CSNK1G3: variants seen among roughly 807,000 people sequenced by gnomAD.
CSNK1G3 encodes the protein casein kinase I isoform gamma-3.
In CSNK1G3, 23 loss-of-function variants were observed where a neutral mutation model predicts 64.3. The observed-to-expected ratio is 0.36, with a 90% CI of 0.26 to 0.51. The LOEUF (loss-of-function observed/expected upper bound fraction) is 0.51, where lower values mean the gene tolerates loss of function less well. Among genes scored for constraint, CSNK1G3 ranks in the 20% least tolerant of loss-of-function variants. The pLI, the probability that CSNK1G3 is intolerant of heterozygous loss-of-function variation, is 0.96. For missense variants in CSNK1G3, 357 were observed against 510.5 expected, an observed-to-expected ratio of 0.70 and a Z score of 2.90; for synonymous variants, 158 against 162.2, an observed-to-expected ratio of 0.97 and a Z score of 0.20.
intron 1 of CSNK1G3, among the ~76,000 whole-genome samples, chr5:123,531,325 A>G (rs1340948831): frequency 1.3e-5 from 2 of 152,080 alleles, no homozygotes; most frequent in Non-Finnish European, 2.9e-5. Context: ...ACTTAAGACT[A>G]AGACTTAAGA....
intron 12 of CSNK1G3, among the ~76,000 whole-genome samples, chr5:123,606,049 A>G (rs574575733): frequency 7.2e-5 from 11 of 152,192 alleles, no homozygotes; most frequent in Non-Finnish European, 1.5e-4. Context: ...GAAGTTGCTT[A>G]GTTTAGTAAA....
chr5:123,560,276 A>C (rs1205671306), intron 4 of CSNK1G3, among the ~76,000 whole-genome samples: 1 of 152,176 alleles, frequency 6.6e-6, no homozygotes, highest in African/African-American at 2.4e-5. Context: ...ATTGGTGTAA[A>C]AATTTAAAAA....
At chr5:123,558,922 G>A (rs930811720) in intron 4 of CSNK1G3, among the ~76,000 whole-genome samples, 14 of 152,150 alleles carry the variant, frequency 9.2e-5, no homozygotes, top group African/African-American at 3.1e-4. Flanking sequence ...TTCAAATACT[G>A]TCATCAACAT....
chr5:123,549,413 A>G (rs1324570058), intron 2 of CSNK1G3, among the ~76,000 whole-genome samples: 1 of 152,168 alleles, frequency 6.6e-6, no homozygotes, highest in African/African-American at 2.4e-5. Context: ...CTCAGCTGGG[A>G]GCATGCCTAT....
intron 1 of CSNK1G3, among the ~76,000 whole-genome samples, chr5:123,515,705 GT>G (rs966781315): frequency 4.7e-4 from 71 of 151,540 alleles, no homozygotes; most frequent in African/African-American, 1.7e-3. Context: ...ATTGTTTGAA[GT>G]TTTTTTTTCT....
At chr5:123,606,435 A>G (rs962287305) in intron 12 of CSNK1G3, among the ~76,000 whole-genome samples, 4 of 152,144 alleles carry the variant, frequency 2.6e-5, no homozygotes, top group Admixed American at 2.0e-4. Flanking sequence ...TGTCCTTTGC[A>G]GTTAGACATA....
chr5:123,546,572 A>G (rs936020315), intron 2 of CSNK1G3, among the ~76,000 whole-genome samples: 1 of 152,078 alleles, frequency 6.6e-6, no homozygotes, highest in African/African-American at 2.4e-5. Context: ...ATTGCAAAAA[A>G]CTAAGAAGGA....
intron 2 of CSNK1G3, among the ~76,000 whole-genome samples, chr5:123,550,122 A>T (rs1226863879): frequency 6.6e-6 from 1 of 152,206 alleles, no homozygotes; most frequent in Non-Finnish European, 1.5e-5. Context: ...TATAAAACTT[A>T]CCTGAAAAAT....
At chr5:123,607,790 C>T (rs1206037744) in intron 12 of CSNK1G3, among the ~76,000 whole-genome samples, 1 of 152,150 alleles carries the variant, frequency 6.6e-6, no homozygotes. Flanking sequence ...TGAAGCCTTA[C>T]TTCAGGTGGG....
At chr5:123,614,544 G>T in exon 13 of CSNK1G3, 27 of 555,932 alleles carry the variant, frequency 4.9e-5, no homozygotes, top group South Asian at 3.1e-4. Context: ...TTTTGTGGTT[G>T]TCTTACATTC....
intron 4 of CSNK1G3, among the ~76,000 whole-genome samples, chr5:123,565,898 A>T (rs1302439623): frequency 6.6e-6 from 1 of 152,202 alleles, no homozygotes; most frequent in Non-Finnish European, 1.5e-5. Context: ...CCATTGACCC[A>T]GTTAACTCCC....
At chr5:123,544,215 C>T (rs373822223) in intron 1 of CSNK1G3, among the ~76,000 whole-genome samples, 26 of 152,290 alleles carry the variant, frequency 1.7e-4, no homozygotes, top group South Asian at 1.2e-3. Context: ...CCCACCAAGC[C>T]TTAGTCTCTT....
intron 4 of CSNK1G3, among the ~76,000 whole-genome samples, chr5:123,563,087 C>T (rs1581146203): frequency 6.6e-6 from 1 of 151,962 alleles, no homozygotes; most frequent in African/African-American, 2.4e-5. Context: ...TTCCTTGGAA[C>T]ATCTTAATTA....
chr5:123,573,243 G>C (rs1788473589), intron 4 of CSNK1G3, 150 bp from the exon 5 acceptor site: 1 of 727,748 alleles, frequency 1.4e-6, no homozygotes, highest in Non-Finnish European at 2.3e-6. Context: ...GGGAGGTTGG[G>C]AGGTTTGGTC....
chr5:123,602,167 C>T (rs1426556171), intron 10 of CSNK1G3, among the ~76,000 whole-genome samples: 1 of 152,058 alleles, frequency 6.6e-6, no homozygotes, highest in Non-Finnish European at 1.5e-5. Flanking sequence ...CTTTAGATTG[C>T]CTTTGAAGAT....
chr5:123,533,777 G>A (rs1247725690), intron 1 of CSNK1G3, among the ~76,000 whole-genome samples: 1 of 151,330 alleles, frequency 6.6e-6, no homozygotes, highest in Non-Finnish European at 1.5e-5. Context: ...GTTCTCTTCT[G>A]TTCTTCATAT....
Position 123,512,260 on chromosome 5 carries a change from G to A in CSNK1G3, c.-558G>A, listed in dbSNP as rs916614963. ...ACCTCCGGATAAGCGAGGCGCTGCT[G>A]TGCATTCATTCCGGGCTGCATCGGT... On this transcript the variant is annotated 5_prime_UTR_variant, in exon 1 of 13. The change creates a new upstream start codon in the 5' untranslated region. Transcript: ENST00000345990. 1 of 152,378 alleles carries A rather than the reference G, an allele frequency of 6.6e-6. No homozygotes were observed. The highest frequency in any genetic ancestry group is 1.5e-5 in the Non-Finnish European group (1 of 68,188). 9.4% of individuals were successfully genotyped at this position (152,378 alleles called of 1,614,324 possible).
intron 1 of CSNK1G3, among the ~76,000 whole-genome samples, chr5:123,532,959 G>A (rs903615037): frequency 3.3e-5 from 5 of 151,664 alleles, no homozygotes; most frequent in Admixed American, 2.6e-4. Context: ...TAAATAATAA[G>A]CATACACTTT....
chr5:123,556,475 G>A (rs1472848587), intron 3 of CSNK1G3, among the ~76,000 whole-genome samples: 1 of 151,884 alleles, frequency 6.6e-6, no homozygotes, highest in East Asian at 1.9e-4. Context: ...CTGTTTTCCA[G>A]TTTTTCTTCC....
Sources: allele counts gnomAD v4.1 joint callset (sites outside exome capture counted in the v4.1 genomes callset), GRCh38; gene constraint gnomAD v4.1.1; transcripts MANE v1.5; gene names NCBI Gene and HGNC (gene_info 2026-07-23, HGNC 2026-07-21).